The following SORCS1 variants were observed in gnomAD, a reference collection of about 807,000 sequenced individuals.
SORCS1 encodes the protein VPS10 domain-containing receptor SorCS1.
SORCS1 carries 60 observed loss-of-function variants against 146.1 expected under a neutral mutation model. The observed-to-expected ratio is 0.41, with a 90% CI of 0.33 to 0.51. The LOEUF is 0.51. Among genes scored for constraint, SORCS1 ranks in the 20% least tolerant of loss-of-function variants. The pLI, the probability that SORCS1 is intolerant of heterozygous loss-of-function variation, is 0.21. For synonymous variants in SORCS1, 637 were observed against 584.0 expected (o/e 1.09, Z -1.31); for missense variants, 1,352 against 1,487.6 (o/e 0.91, Z 1.50).
chr10:106,907,167 T>C (rs1235663705), intron 2 of SORCS1, among the ~76,000 whole-genome samples: 3 of 152,194 alleles, frequency 2.0e-5, no homozygotes, highest in African/African-American at 7.2e-5. Flanking sequence ...ATTTTCTTAT[T>C]ATTTCCTAGC....
At chr10:106,621,907 G>A (rs899591547) in intron 19 of SORCS1, among the ~76,000 whole-genome samples, 4 of 151,976 alleles carry the variant, frequency 2.6e-5, no homozygotes, top group South Asian at 2.1e-4. Context: ...TTCACCACCC[G>A]AATCCATCCT....
chr10:106,806,774 T>C (rs1947209962), intron 3 of SORCS1, among the ~76,000 whole-genome samples: 1 of 151,854 alleles, frequency 6.6e-6, no homozygotes, highest in African/African-American at 2.4e-5. Flanking sequence ...CCTGGCCTCC[T>C]GGAGTGCTGG....
At chr10:106,983,409 T>C (rs940650415) in intron 1 of SORCS1, among the ~76,000 whole-genome samples, 11 of 152,038 alleles carry the variant, frequency 7.2e-5, no homozygotes, top group Non-Finnish European at 1.0e-4. Flanking sequence ...TATTTTCTTA[T>C]ATACTTTACC....
chr10:106,906,617 C>G (rs1951918406), intron 2 of SORCS1, among the ~76,000 whole-genome samples: 1 of 152,148 alleles, frequency 6.6e-6, no homozygotes, highest in African/African-American at 2.4e-5. Context: ...AGACTGGCCC[C>G]CATGATTGAA....
chr10:106,605,074 A>G (rs1357647469), intron 23 of SORCS1, among the ~76,000 whole-genome samples: 2 of 152,254 alleles, frequency 1.3e-5, no homozygotes, highest in African/African-American at 4.8e-5. Context: ...ACTCTTCTAC[A>G]TGTGTGCCAA....
intron 1 of SORCS1, among the ~76,000 whole-genome samples, chr10:106,966,000 C>T (rs1409581348): frequency 1.3e-5 from 2 of 152,170 alleles, no homozygotes; most frequent in Admixed American, 6.5e-5. Flanking sequence ...AAGTTTTGAA[C>T]CCTGGTAAAA....
At chr10:106,978,160 G>C (rs1564880501) in intron 1 of SORCS1, among the ~76,000 whole-genome samples, 1 of 152,156 alleles carries the variant, frequency 6.6e-6, no homozygotes, top group Non-Finnish European at 1.5e-5. Context: ...GGCCAGGCTA[G>C]TCGCGAACCC....
At chr10:106,616,564 G>A (rs921999787) in intron 21 of SORCS1, among the ~76,000 whole-genome samples, 61 of 152,264 alleles carry the variant, frequency 4.0e-4, no homozygotes, top group African/African-American at 1.1e-3. Flanking sequence ...AGACTTTGCC[G>A]CACTCTATAC....
At chr10:106,692,991 A>T (rs1327163425) in intron 9 of SORCS1, among the ~76,000 whole-genome samples, 1 of 152,126 alleles carries the variant, frequency 6.6e-6, no homozygotes, top group Non-Finnish European at 1.5e-5. Context: ...ATACAAAAAA[A>T]CTGTTTAATG....
chr10:107,164,660 G>A lies in SORCS1; in HGVS notation c.-134C>T. On this transcript the variant is annotated 5_prime_UTR_variant, in exon 1 of 26. Coordinates refer to ENST00000263054, the MANE Select transcript of SORCS1 (RefSeq NM_052918.5). The surrounding 1 kb of genome is among the most constrained non-coding windows in gnomAD (Gnocchi z 6.8). Reference sequence around the variant, plus strand: ...AGTTGCGCCGCGGTGGGGGCGGGCGGAGGCGGCGCCGGGCAGGTGGCGGCC... The same window carrying A: ...AGTTGCGCCGCGGTGGGGGCGGGCGAAGGCGGCGCCGGGCAGGTGGCGGCC... The A allele has an allele frequency of 1.4e-6, 1 of 706,010 alleles. No homozygotes were observed. Among genetic ancestry groups the A allele is most frequent in the South Asian group, 6.3e-5 (1 of 15,798 alleles). 43.7% of individuals were successfully genotyped at this position (706,010 alleles called of 1,614,324 possible).
chr10:107,034,335 G>A (rs1245943325), intron 1 of SORCS1, among the ~76,000 whole-genome samples: 3 of 152,034 alleles, frequency 2.0e-5, no homozygotes, highest in Admixed American at 6.6e-5. Context: ...GTGTGCGTGA[G>A]AGGCATTTGT....
At chr10:107,029,192 A>G (rs1958537770) in intron 1 of SORCS1, among the ~76,000 whole-genome samples, 2 of 152,228 alleles carry the variant, frequency 1.3e-5, no homozygotes, top group African/African-American at 4.8e-5. Flanking sequence ...ATTCCTAGAC[A>G]AACCTGACTT....
intron 2 of SORCS1, among the ~76,000 whole-genome samples, chr10:106,881,049 C>T (rs995501443): frequency 7.0e-6 from 1 of 143,708 alleles, no homozygotes; most frequent in African/African-American, 2.7e-5. Flanking sequence ...TACACTCCAG[C>T]CTGGGCAACA....
At chr10:106,599,769 CT>C (rs548263701) in intron 23 of SORCS1, among the ~76,000 whole-genome samples, 340 of 143,818 alleles carry the variant, frequency 2.4e-3, no homozygotes, top group Non-Finnish European at 2.4e-3. Context: ...TTCTTTCTTT[CT>C]TTTTTTTTTT....
At chr10:106,752,437 T>A (rs902444320) in intron 5 of SORCS1, among the ~76,000 whole-genome samples, 1 of 152,160 alleles carries the variant, frequency 6.6e-6, no homozygotes, top group Non-Finnish European at 1.5e-5. Context: ...TAAAAATTAA[T>A]CATTGCTAAA....
At chr10:106,679,591 A>G (rs1012769420) in intron 11 of SORCS1, 41 bp downstream of exon 11, 2 of 1,493,656 alleles carry the variant, frequency 1.3e-6, no homozygotes, top group African/African-American at 2.8e-5. Context: ...CTTAAAATAA[A>G]CACTATTTAC....
chr10:107,015,363 A>C (rs975885104), intron 1 of SORCS1, among the ~76,000 whole-genome samples: 5 of 152,184 alleles, frequency 3.3e-5, no homozygotes, highest in Non-Finnish European at 7.3e-5. Flanking sequence ...CAAATAGAGC[A>C]GGGCAAGGAG....
chr10:106,782,727 C>A (rs1325322497), intron 3 of SORCS1, among the ~76,000 whole-genome samples: 1 of 152,226 alleles, frequency 6.6e-6, no homozygotes. Flanking sequence ...CCCAAACGTA[C>A]AAACACTATT....
intron 24 of SORCS1, among the ~76,000 whole-genome samples, chr10:106,596,599 T>C (rs1005283224): frequency 6.6e-6 from 1 of 152,200 alleles, no homozygotes; most frequent in African/African-American, 2.4e-5. Context: ...AATTGTAAGA[T>C]CATGACCAAT....
Sources: allele counts gnomAD v4.1 joint callset (sites outside exome capture counted in the v4.1 genomes callset), GRCh38; gene constraint gnomAD v4.1.1; non-coding constraint Gnocchi (gnomAD v3.1); transcripts MANE v1.5; gene names NCBI Gene and HGNC (gene_info 2026-07-23, HGNC 2026-07-21).